The following LRP1B variants were observed in gnomAD, a reference collection of about 807,000 sequenced individuals.
The protein encoded by LRP1B is LDL receptor related protein 1B.
LRP1B carries 217 observed loss-of-function variants against 556.6 expected under a neutral mutation model. The ratio of observed to expected loss-of-function variants is 0.39; its 90% confidence interval spans 0.35 to 0.44. LRP1B has a LOEUF of 0.44. Among genes scored for constraint, LRP1B ranks in the 20% least tolerant of loss-of-function variants. The probability of loss-of-function intolerance (pLI) is 1.00; values close to 1 mark genes in which losing one functional copy is unlikely to be tolerated. For synonymous variants in LRP1B, 2,047 were observed against 1,865.8 expected (o/e 1.10, Z -2.50); for missense variants, 5,053 against 5,620.8 (o/e 0.90, Z 3.23).
chr2:141,487,706 T>C (rs1412341407), intron 2 of LRP1B, among the ~76,000 whole-genome samples: 1 of 152,152 alleles, frequency 6.6e-6, no homozygotes, highest in Admixed American at 6.6e-5. Context: ...TGCAATTCCA[T>C]CATCTAGACA....
intron 1 of LRP1B, among the ~76,000 whole-genome samples, chr2:142,030,367 A>G (rs1703649247): frequency 6.6e-6 from 1 of 151,976 alleles, no homozygotes. Context: ...TTGTAATTTA[A>G]GTAAATTTAT....
intron 2 of LRP1B, among the ~76,000 whole-genome samples, chr2:141,690,804 G>A (rs991023772): frequency 6.6e-6 from 1 of 151,568 alleles, no homozygotes; most frequent in Non-Finnish European, 1.5e-5. Flanking sequence ...GTTTGATTCT[G>A]AGCTAATTTG....
At chr2:142,037,096 C>T (rs914602177) in intron 1 of LRP1B, among the ~76,000 whole-genome samples, 1 of 151,612 alleles carries the variant, frequency 6.6e-6, no homozygotes. Flanking sequence ...TATTCACGTT[C>T]ATAAATGCCT....
At chr2:142,024,046 C>G (rs1703427625) in intron 1 of LRP1B, among the ~76,000 whole-genome samples, 1 of 152,178 alleles carries the variant, frequency 6.6e-6, no homozygotes, top group South Asian at 2.1e-4. Flanking sequence ...TCCACCCTAT[C>G]AGGCAGCTGT....
intron 1 of LRP1B, among the ~76,000 whole-genome samples, chr2:141,887,195 A>T (rs965326354): frequency 6.6e-5 from 10 of 151,838 alleles, no homozygotes; most frequent in African/African-American, 2.4e-4. Context: ...GGGGTTTCAC[A>T]ATGTTGGCCA....
At chr2:141,000,276 T>C (rs1202111221) in intron 15 of LRP1B, among the ~76,000 whole-genome samples, 2 of 151,922 alleles carry the variant, frequency 1.3e-5, no homozygotes, top group Non-Finnish European at 2.9e-5. Flanking sequence ...GTGTGTCCTC[T>C]CCCACCATGA....
intron 7 of LRP1B, among the ~76,000 whole-genome samples, chr2:141,157,330 T>C (rs954069628): frequency 2.0e-5 from 3 of 152,098 alleles, no homozygotes; most frequent in Admixed American, 2.0e-4. Flanking sequence ...ATATAAAATA[T>C]ACGTATTTTC....
intron 11 of LRP1B, among the ~76,000 whole-genome samples, chr2:141,023,244 T>C (rs1257134112): frequency 6.6e-6 from 1 of 151,944 alleles, no homozygotes; most frequent in Non-Finnish European, 1.5e-5. Context: ...TGGAGTAATA[T>C]ATAAATAGTG....
At chr2:140,263,804 G>T (rs1184651420) in intron 86 of LRP1B, among the ~76,000 whole-genome samples, 1 of 41,968 alleles carries the variant, frequency 2.4e-5, no homozygotes, top group Non-Finnish European at 4.4e-5. Context: ...AGTAATTGAG[G>T]CCTTTTTTTT....
chr2:141,519,527 G>A (rs189669461), intron 2 of LRP1B, among the ~76,000 whole-genome samples: 3 of 151,712 alleles, frequency 2.0e-5, no homozygotes, highest in East Asian at 3.9e-4. Flanking sequence ...TGTCAAGATA[G>A]CATTTTAGGT....
rs139357917 is a variant in LRP1B at position 141,479,871 on chromosome 2, G to A, written c.343+525C>T. Among the ~76,000 whole-genome samples, 745 of 152,136 alleles carry A rather than the reference G, an allele frequency of 4.9e-3. 3 individuals carry two copies. The highest frequency in any genetic ancestry group is 8.4e-3 in the Non-Finnish European group (573 of 68,002). ...ATCTAGGTAATATTGTACCATTGTAGAATTTAGATGTTGATTTTTAAAAAG... is the reference window on the plus strand; with the variant it reads ...ATCTAGGTAATATTGTACCATTGTAAAATTTAGATGTTGATTTTTAAAAAG... On this transcript the variant is annotated intron_variant, in intron 3 of 90. Transcript: ENST00000389484.
chr2:140,702,502 G>A lies in LRP1B; in HGVS notation c.6075C>T (p.Arg2025=), dbSNP rs2105430577. ...WGQMPCIGKA[R]LDGSEKVVLV... is the part of the protein sequence containing the mutation. ...GGACAACCTTCTCTGAGCCATCCAA[G>A]CGAGCCTTTCCAATACAGGGCATTT... Residue 2025 remains arginine, a synonymous_variant, in exon 38 of 91, where the codon CGC becomes CGT. Transcript: ENST00000389484. 2 of 1,613,450 alleles carry A rather than the reference G, an allele frequency of 1.2e-6. No individual in the cohort carries two copies. Among genetic ancestry groups the A allele is most frequent in the South Asian group, 2.2e-5 (2 of 91,072 alleles).
chr2:141,131,430 T>TATATATATATATA (rs67252411), intron 7 of LRP1B, among the ~76,000 whole-genome samples: 21 of 145,982 alleles, frequency 1.4e-4, no homozygotes, highest in Middle Eastern at 3.8e-3. Context: ...TATATATATA[T>TATATATATATATA]TTGCTCTTAG....
At chr2:141,037,028 T>C (rs577712112) in intron 11 of LRP1B, among the ~76,000 whole-genome samples, 2 of 151,022 alleles carry the variant, frequency 1.3e-5, no homozygotes, top group African/African-American at 2.5e-5. Context: ...AAAGAGAACC[T>C]TTTTTTGCAT....
intron 2 of LRP1B, among the ~76,000 whole-genome samples, chr2:141,512,538 C>G (rs180752251): frequency 1.3e-5 from 2 of 152,164 alleles, no homozygotes; most frequent in African/African-American, 4.8e-5. Flanking sequence ...AGAGCTCCCT[C>G]CAGCTTAGTT....
At chr2:140,907,288 G>A (rs745791833) in intron 22 of LRP1B, among the ~76,000 whole-genome samples, 45 of 152,102 alleles carry the variant, frequency 3.0e-4, no homozygotes, top group Non-Finnish European at 5.9e-4. Context: ...GTGCTGGTTG[G>A]TAAGAAAGAT....
intron 2 of LRP1B, among the ~76,000 whole-genome samples, chr2:141,733,910 C>G (rs115405880): frequency 0.013 from 1,951 of 152,124 alleles, 42 homozygotes; most frequent in African/African-American, 0.044. Context: ...TATTATAGAA[C>G]CTATAATGTT....
chr2:140,740,533 T>C lies in LRP1B; in HGVS notation c.5759-23717A>G, dbSNP rs1688101090. 2.6e-5 allele frequency among the ~76,000 whole-genome samples: 4 copies of C among 152,212 alleles called. No individual in the cohort carries two copies. In the Middle Eastern group the frequency reaches 0.01, roughly 388 times the overall value. On this transcript the variant is annotated intron_variant, in intron 35 of 90. Transcript: ENST00000389484. ...GGAAGGATGGGACATGGGCGAGGGA[T>C]AAAAGACTGCAAATAGGGTGCAGTG...
intron 43 of LRP1B, among the ~76,000 whole-genome samples, chr2:140,551,419 G>A (rs1680543897): frequency 6.6e-6 from 1 of 152,088 alleles, no homozygotes; most frequent in East Asian, 1.9e-4. Flanking sequence ...GGAGCATGAA[G>A]TGCTGGGAAA....
Sources: allele counts gnomAD v4.1 joint callset (sites outside exome capture counted in the v4.1 genomes callset), GRCh38; gene constraint gnomAD v4.1.1; transcripts MANE v1.5; gene names NCBI Gene and HGNC (gene_info 2026-07-23, HGNC 2026-07-21).